The following HNRNPLL variants were observed in gnomAD, a reference collection of about 807,000 sequenced individuals.
HNRNPLL encodes the protein heterogeneous nuclear ribonucleoprotein L like.
A neutral mutation model predicts 67.1 loss-of-function variants in HNRNPLL; 25 were observed. That is an observed-to-expected ratio of 0.37 (90% confidence interval 0.27 to 0.52). The LOEUF (loss-of-function observed/expected upper bound fraction) is 0.52, where lower values mean the gene tolerates loss of function less well. HNRNPLL is among the 20% of genes least tolerant of loss of function. The pLI, the probability that HNRNPLL is intolerant of heterozygous loss-of-function variation, is 0.90. For synonymous variants in HNRNPLL, 267 were observed against 241.7 expected (o/e 1.10, Z -0.97); for missense variants, 542 against 673.9 (o/e 0.80, Z 2.17).
At chr2:38,565,662 G>A (rs80214863) in intron 12 of HNRNPLL, among the ~76,000 whole-genome samples, 2,401 of 147,652 alleles carry the variant, frequency 0.016, 56 homozygotes, top group African/African-American at 0.058. Context: ...CAGGAAAGTC[G>A]AGGCTGCAGT....
chr2:38,565,493 G>A lies in HNRNPLL; in HGVS notation c.1574-1256C>T, dbSNP rs533231802. The stretch of plus-strand genomic sequence containing the variant: ...GGCTGAGGCCAGAGGACTGCTTGAG[G>A]CCAGGAGTTCAAGACCACCAGCCTG... On this transcript the variant is annotated intron_variant, in intron 12 of 12. Coordinates refer to ENST00000449105, the MANE Select transcript of HNRNPLL (RefSeq NM_138394.4). Among the ~76,000 whole-genome samples the A allele has an allele frequency of 1.4e-3, 219 of 152,022 alleles. 1 individual carries two copies. The highest frequency in any genetic ancestry group is 0.01 in the Middle Eastern group (3 of 294).
Position 38,602,810 on chromosome 2 carries a change from G to T in HNRNPLL, c.-184C>A. 1.9e-6 allele frequency: 3 copies of T among 1,544,894 alleles called. No individual in the cohort carries two copies. Among genetic ancestry groups the T allele is most frequent in the Non-Finnish European group, 2.6e-6 (3 of 1,144,696 alleles). ...GCTGAGAAGCGCGGACGGACTGAGGGGGGCGCCCCGGGAGGAAGCTCTGGA... is the reference window on the plus strand; with the variant it reads ...GCTGAGAAGCGCGGACGGACTGAGGTGGGCGCCCCGGGAGGAAGCTCTGGA... On this transcript the variant is annotated 5_prime_UTR_variant, in exon 1 of 13. Coordinates refer to ENST00000449105, the MANE Select transcript of HNRNPLL (RefSeq NM_138394.4).
chr2:38,593,466 A>G (rs1041827156), intron 1 of HNRNPLL, among the ~76,000 whole-genome samples: 2 of 152,252 alleles, frequency 1.3e-5, no homozygotes, highest in Non-Finnish European at 2.9e-5. Context: ...ATTTCAGTTC[A>G]TTCTTAGAAA....
chr2:38,564,746 ACTGT>A (rs149212625), intron 12 of HNRNPLL, among the ~76,000 whole-genome samples: 2,563 of 152,210 alleles, frequency 0.017, 37 homozygotes, highest in Non-Finnish European at 0.027. Context: ...TGTTCTCAAC[ACTGT>A]CTGGCACTCA....
rs528483028 is a variant in HNRNPLL at position 38,602,909 on chromosome 2, G to A, written c.-283C>T. The A allele has an allele frequency of 2.4e-5, 37 of 1,533,500 alleles. 1 individual carries two copies. In the South Asian group the frequency reaches 4.1e-4, roughly 17 times the overall value. The allele number at this position is 1,533,500 out of a possible 1,614,324, so 95.0% of individuals were successfully genotyped here. ...CCTCCTCCGTCTCCGCTCCCTGCCCGGAGGAGCGAATCTAAGGATGGGGAC... is the reference window on the plus strand; with the variant it reads ...CCTCCTCCGTCTCCGCTCCCTGCCCAGAGGAGCGAATCTAAGGATGGGGAC... On this transcript the variant is annotated 5_prime_UTR_variant, in exon 1 of 13. Coordinates refer to ENST00000449105, the MANE Select transcript of HNRNPLL (RefSeq NM_138394.4).
intron 8 of HNRNPLL, among the ~76,000 whole-genome samples, chr2:38,570,248 G>A (rs2148340207): frequency 6.6e-6 from 1 of 152,240 alleles, no homozygotes; most frequent in Non-Finnish European, 1.5e-5. Context: ...CCATCTGGCA[G>A]GACTCGTTAA....
chr2:38,570,403 G>GTAAACAAATAGT (rs774892521), intron 8 of HNRNPLL, among the ~76,000 whole-genome samples: 3 of 152,108 alleles, frequency 2.0e-5, no homozygotes, highest in Admixed American at 6.6e-5. Flanking sequence ...AAATTTAAAA[G>GTAAACAAATAGT]TAAACAAATA....
At chr2:38,577,359 G>T in intron 7 of HNRNPLL, 102 bp downstream of exon 7, 1 of 765,360 alleles carries the variant, frequency 1.3e-6, no homozygotes, top group Non-Finnish European at 2.3e-6. Context: ...AACCGAGGCA[G>T]ATACGCAGGA....
At chr2:38,592,725 T>C (rs942437008) in intron 1 of HNRNPLL, among the ~76,000 whole-genome samples, 1 of 152,366 alleles carries the variant, frequency 6.6e-6, no homozygotes, top group East Asian at 1.9e-4. Context: ...AAGACAAAGA[T>C]CTGTATTTAC....
chr2:38,597,691 ATT>A (rs5830538), intron 1 of HNRNPLL, among the ~76,000 whole-genome samples: 43 of 143,358 alleles, frequency 3.0e-4, no homozygotes, highest in Admixed American at 4.9e-4. Context: ...AACTTTTTTT[ATT>A]TTTTTTTTTT....
chr2:38,598,964 AT>A (rs1176325696), intron 1 of HNRNPLL, among the ~76,000 whole-genome samples: 1 of 152,200 alleles, frequency 6.6e-6, no homozygotes, highest in Non-Finnish European at 1.5e-5. Context: ...CTTTATTTCC[AT>A]GAAGTAGTTA....
chr2:38,566,795 G>C (rs541111244), intron 12 of HNRNPLL, among the ~76,000 whole-genome samples: 20 of 150,052 alleles, frequency 1.3e-4, no homozygotes, highest in African/African-American at 4.9e-4. Context: ...ACCAGCCTGG[G>C]CAACACAGTG....
chr2:38,587,168 C>G (rs1666766117), intron 2 of HNRNPLL, among the ~76,000 whole-genome samples: 1 of 152,118 alleles, frequency 6.6e-6, no homozygotes, highest in Non-Finnish European at 1.5e-5. Context: ...ACTATGGAAA[C>G]TAACAAATGG....
At chr2:38,589,343 C>T (rs1024732138) in intron 2 of HNRNPLL, among the ~76,000 whole-genome samples, 4 of 152,070 alleles carry the variant, frequency 2.6e-5, no homozygotes, top group African/African-American at 4.8e-5. Flanking sequence ...TGTTTATAAT[C>T]CCACACATTC....
chr2:38,602,213 G>T, intron 1 of HNRNPLL: 1 of 524,962 alleles, frequency 1.9e-6, no homozygotes, highest in East Asian at 3.6e-5. Flanking sequence ...GCCCGGCAGT[G>T]GACTCGCTGC....
chr2:38,567,405 A>G (rs1261239580), intron 12 of HNRNPLL, among the ~76,000 whole-genome samples: 2 of 152,114 alleles, frequency 1.3e-5, no homozygotes, highest in African/African-American at 2.4e-5. Context: ...CGTGAGTCAC[A>G]GTGCCTAGCC....
At chr2:38,577,669 A>T in intron 6 of HNRNPLL, 137 bp from the exon 7 acceptor site, 1 of 623,158 alleles carries the variant, frequency 1.6e-6, no homozygotes. Context: ...AACTTTAAAC[A>T]TCCATTCATA....
chr2:38,587,364 T>C (rs1197633558), intron 2 of HNRNPLL, among the ~76,000 whole-genome samples: 3 of 151,844 alleles, frequency 2.0e-5, no homozygotes, highest in African/African-American at 7.3e-5. Context: ...ACTGTATTAT[T>C]ATTATTTAAC....
chr2:38,602,658 G>A lies in HNRNPLL; in HGVS notation c.-32C>T, dbSNP rs1323882064. On this transcript the variant is annotated 5_prime_UTR_variant, in exon 1 of 13. Transcript: ENST00000449105. ...GGCCGGAGGGACCGGCTGGCAGGCG[G>A]GTGGGGGTGGCGGTGGGGCGCGCGC... is the stretch of plus-strand genomic sequence containing the variant. 2 of 1,473,592 alleles carry A rather than the reference G, an allele frequency of 1.4e-6. No homozygotes were observed. Among genetic ancestry groups the A allele is most frequent in the South Asian group, 2.6e-5 (2 of 75,742 alleles). 91.3% of individuals were successfully genotyped at this position (1,473,592 alleles called of 1,614,324 possible). A position where few individuals can be genotyped will look rare whatever the true frequency, so the allele number is the denominator to read the frequency against.
Sources: gnomAD v4.1 joint callset for allele counts (sites outside exome capture counted in the v4.1 genomes callset) on GRCh38, gnomAD v4.1.1 for gene constraint, MANE v1.5 for transcripts, NCBI Gene and HGNC (gene_info 2026-07-23, HGNC 2026-07-21) for gene names.